FBN1: variants seen among roughly 807,000 people sequenced by gnomAD.
FBN1 encodes the protein fibrillin 1, also known as fibrillin-1.
A neutral mutation model predicts 365.1 loss-of-function variants in FBN1; 29 were observed. That is an observed-to-expected ratio of 0.08 (90% confidence interval 0.06 to 0.11). FBN1 has a LOEUF of 0.11. FBN1 is among the 10% of genes least tolerant of loss of function. The probability of loss-of-function intolerance (pLI) is 1.00; values close to 1 mark genes in which losing one functional copy is unlikely to be tolerated. For missense variants in FBN1, 2,476 were observed against 3,703.2 expected, an observed-to-expected ratio of 0.67 and a Z score of 8.60; for synonymous variants, 1,210 against 1,270.5, an observed-to-expected ratio of 0.95 and a Z score of 1.01.
chr15:48,596,743 G>A (rs1352711709), intron 5 of FBN1, among the ~76,000 whole-genome samples: 1 of 152,222 alleles, frequency 6.6e-6, no homozygotes, highest in African/African-American at 2.4e-5. Context: ...GGGCTCCCAT[G>A]AGGGGAAATA....
chr15:48,533,444 G>A (rs1172193561), intron 8 of FBN1, among the ~76,000 whole-genome samples: 3 of 152,324 alleles, frequency 2.0e-5, no homozygotes, highest in Non-Finnish European at 4.4e-5. Flanking sequence ...TTTCGGCAAA[G>A]AGCAGTAGCA....
At position 48,411,153 on chromosome 15, in the gene FBN1, G is replaced by A; in HGVS notation, c.8453C>T (p.Thr2818Ile). ...GGTTCCAGCCACTGGCTTCTTCTTT[G>A]TGAAGTGGAGGTAGCTGATCCCTTC... ...QKEGISYLHF[T>I]KKKPVAGTYS... is the part of the protein sequence containing the mutation. Residue 2818 changes from threonine to isoleucine, a missense_variant, in exon 66 of 66, where the codon ACA becomes ATA. Physicochemically the swap from Thr to Ile is moderately conservative, Grantham distance 89. Transcript: ENST00000316623. The A allele has an allele frequency of 1.2e-6, 2 of 1,614,130 alleles. No individual in the cohort carries two copies. Among genetic ancestry groups the A allele is most frequent in the Non-Finnish European group, 1.7e-6 (2 of 1,180,012 alleles).
chr15:48,422,942 A>C lies in FBN1; in HGVS notation c.7454-874T>G, dbSNP rs531818109. Reference sequence around the variant, plus strand: ...ACTTCGTCTCAAAACAAAAACAAAAACAAAAACAAAAAACAAAAAACAAAA... The same window carrying C: ...ACTTCGTCTCAAAACAAAAACAAAACCAAAAACAAAAAACAAAAAACAAAA... On this transcript the variant is annotated intron_variant, in intron 60 of 65. Transcript: ENST00000316623. 5.3e-5 allele frequency among the ~76,000 whole-genome samples: 8 copies of C among 151,874 alleles called. No homozygotes were observed. In the South Asian group the frequency reaches 1.7e-3, roughly 32 times the overall value.
chr15:48,619,155 C>A (rs756969091), intron 2 of FBN1, among the ~76,000 whole-genome samples: 3 of 152,050 alleles, frequency 2.0e-5, no homozygotes, highest in Admixed American at 6.6e-5. Context: ...GGTTGGAGAC[C>A]ACTGCTGTAG....
At chr15:48,567,053 C>T (rs1212786188) in intron 6 of FBN1, among the ~76,000 whole-genome samples, 1 of 152,086 alleles carries the variant, frequency 6.6e-6, no homozygotes, top group African/African-American at 2.4e-5. Context: ...GAACAGGATC[C>T]CCAGGTGATT....
rs886039089 is a variant in FBN1, at chr15:48,505,077, T to C, written c.1908A>G (p.Arg636=). The part of the protein sequence containing the change: ...GRCVNTDGSY[R]CECFPGLAVG... The stretch of plus-strand genomic sequence containing the variant: ...CAGCCAGTCCAGGGAAGCATTCACA[T>C]CTGTAGGAGCCATCAGTGTTGACGC... The change falls in exon 16 of 66, where the codon AGA becomes AGG. Residue 636 remains arginine (R), a synonymous_variant. Coordinates refer to ENST00000316623, the MANE Select transcript of FBN1 (RefSeq NM_000138.5). The C allele has an allele frequency of 8.1e-6, 13 of 1,614,060 alleles. No homozygotes were observed. The highest frequency in any genetic ancestry group is 1.1e-5 in the Non-Finnish European group (13 of 1,180,024).
chr15:48,632,126 CTT>C (rs1206452437), intron 2 of FBN1, among the ~76,000 whole-genome samples: 2 of 152,056 alleles, frequency 1.3e-5, no homozygotes, highest in Non-Finnish European at 2.9e-5. Flanking sequence ...AAAATAAAAA[CTT>C]ATCCCCAAAC....
At chr15:48,500,813 G>C (rs1325277932) in intron 17 of FBN1, among the ~76,000 whole-genome samples, 1 of 152,166 alleles carries the variant, frequency 6.6e-6, no homozygotes, top group African/African-American at 2.4e-5. Context: ...ATGTGAATCA[G>C]CTCCAGCAAC....
intron 6 of FBN1, among the ~76,000 whole-genome samples, chr15:48,568,720 G>A (rs976136008): frequency 6.6e-6 from 1 of 152,024 alleles, no homozygotes; most frequent in Non-Finnish European, 1.5e-5. Flanking sequence ...TTCAGCAAAA[G>A]TGTCAAGGAA....
intron 31 of FBN1, among the ~76,000 whole-genome samples, chr15:48,483,518 A>G (rs1427315752): frequency 6.6e-6 from 1 of 152,250 alleles, no homozygotes; most frequent in Non-Finnish European, 1.5e-5. Flanking sequence ...AAAAGCCTAC[A>G]TGATAGTCAA....
chr15:48,444,461 G>A lies in FBN1; in HGVS notation c.6037+80C>T. On this transcript the variant is annotated intron_variant, in intron 49 of 65. Transcript: ENST00000316623. ...TGATAAAGTATTCCAAAATGAAGAC[G>A]TCATTACAAAAATTCTCATTCTGCT... 1.0e-5 allele frequency: 16 copies of A among 1,531,322 alleles called. 1 individual carries two copies. In the South Asian group the frequency reaches 1.1e-4, roughly 11 times the overall value. The allele number at this position is 1,531,322 out of a possible 1,614,324, so 94.9% of individuals were successfully genotyped here.
intron 15 of FBN1, among the ~76,000 whole-genome samples, chr15:48,507,562 T>C (rs2043721027): frequency 1.3e-5 from 2 of 152,310 alleles, no homozygotes; most frequent in South Asian, 2.1e-4. Context: ...ACCAAGGGCT[T>C]GAAGTTCTTT....
chr15:48,505,173 A>G (rs1474407119), intron 15 of FBN1, 26 bp from the exon 16 acceptor site: 5 of 1,613,930 alleles, frequency 3.1e-6, no homozygotes, highest in Non-Finnish European at 4.2e-6. Flanking sequence ...GCACTTATTA[A>G]AAATGAAGTG....
At chr15:48,494,723 C>T (rs1438052154) in intron 22 of FBN1, among the ~76,000 whole-genome samples, 2 of 152,186 alleles carry the variant, frequency 1.3e-5, no homozygotes, top group African/African-American at 4.8e-5. Context: ...TCTCAAACCT[C>T]AAGTTCCCAA....
At chr15:48,466,183 T>G (rs1385820866) in intron 38 of FBN1, among the ~76,000 whole-genome samples, 2 of 152,216 alleles carry the variant, frequency 1.3e-5, no homozygotes, top group African/African-American at 2.4e-5. Context: ...TTTTATTTTC[T>G]GAAAAACTTC....
intron 11 of FBN1, among the ~76,000 whole-genome samples, chr15:48,515,770 A>T (rs1207610203): frequency 6.6e-6 from 1 of 151,966 alleles, no homozygotes; most frequent in Non-Finnish European, 1.5e-5. Flanking sequence ...TCACCACCTC[A>T]CTCTCAAACC....
chr15:48,641,536 T>C (rs1026072548), intron 2 of FBN1: 2 of 152,202 alleles, frequency 1.3e-5, no homozygotes, highest in Non-Finnish European at 2.9e-5. Context: ...GCACAGCAGA[T>C]ACTGATGAGT....
chr15:48,413,621 A>G, intron 64 of FBN1, among the ~76,000 whole-genome samples: 1 of 152,224 alleles, frequency 6.6e-6, no homozygotes, highest in African/African-American at 2.4e-5. Context: ...ATGTGTTGAA[A>G]CATTTGAATG....
chr15:48,471,854 A>C (rs1396431628), intron 35 of FBN1, among the ~76,000 whole-genome samples: 3 of 152,244 alleles, frequency 2.0e-5, no homozygotes, highest in Non-Finnish European at 1.5e-5. Flanking sequence ...GGTAAAGGGA[A>C]GAATCTTGTG....
Sources: gnomAD v4.1 joint callset for allele counts (sites outside exome capture counted in the v4.1 genomes callset) on GRCh38, gnomAD v4.1.1 for gene constraint, MANE v1.5 for transcripts, NCBI Gene and HGNC (gene_info 2026-07-23, HGNC 2026-07-21) for gene names.